DNAJC15: variants seen among roughly 807,000 people sequenced by gnomAD.
The protein encoded by DNAJC15 is DnaJ heat shock protein family (Hsp40) member C15.
In DNAJC15, 27 loss-of-function variants were observed where a neutral mutation model predicts 22.4. The observed-to-expected ratio is 1.20, with a 90% CI of 0.89 to 1.66. The LOEUF (loss-of-function observed/expected upper bound fraction) is 1.66. Ranked by LOEUF, DNAJC15 falls within the 40% of genes most tolerant of loss-of-function variation. DNAJC15 has a pLI of 0.00. For synonymous variants in DNAJC15, 79 were observed against 63.2 expected, an observed-to-expected ratio of 1.25 and a Z score of -1.19; for missense variants, 208 against 187.1, an observed-to-expected ratio of 1.11 and a Z score of -0.65.
intron 1 of DNAJC15, among the ~76,000 whole-genome samples, chr13:43,044,348 A>G (rs1383235366): frequency 6.6e-6 from 1 of 152,146 alleles, no homozygotes; most frequent in African/African-American, 2.4e-5. Flanking sequence ...AGACCTCTCC[A>G]TTTACCCTCT....
At chr13:43,058,851 C>T (rs1299135863) in intron 1 of DNAJC15, among the ~76,000 whole-genome samples, 2 of 152,178 alleles carry the variant, frequency 1.3e-5, no homozygotes, top group Non-Finnish European at 2.9e-5. Context: ...GCTCAGCTCT[C>T]TTCAGCTCTA....
Position 43,112,195 on chromosome 13 carries a change from A to T in DNAJC15, c.*4947A>T, listed in dbSNP as rs1237883453. On this transcript the variant is annotated 3_prime_UTR_variant, in exon 6 of 6. Coordinates refer to ENST00000379221, the MANE Select transcript of DNAJC15 (RefSeq NM_013238.3). ...TATAAAAAGCTCTTTCTTTTGTATT[A>T]AAAACCCTGCTCAATTGAAATGCAA... is the stretch of plus-strand genomic sequence containing the variant. The T allele has an allele frequency of 6.6e-6, 1 of 152,216 alleles. No homozygotes were observed. Among genetic ancestry groups the T allele is most frequent in the East Asian group, 1.9e-4 (1 of 5,204 alleles). The allele number at this position is 152,216 out of a possible 1,614,324, so 9.4% of individuals were successfully genotyped here. A position where few individuals can be genotyped will look rare whatever the true frequency, so the allele number is the denominator to read the frequency against.
At chr13:43,034,242 C>A (rs975865139) in intron 1 of DNAJC15, among the ~76,000 whole-genome samples, 1 of 150,036 alleles carries the variant, frequency 6.7e-6, no homozygotes, top group Non-Finnish European at 1.5e-5. Flanking sequence ...TTATGCTCTC[C>A]ACTCCTTAAA....
intron 4 of DNAJC15, among the ~76,000 whole-genome samples, chr13:43,081,677 T>TC (rs1454263799): frequency 6.6e-6 from 1 of 151,996 alleles, no homozygotes; most frequent in Non-Finnish European, 1.5e-5. Flanking sequence ...GACTTTGTGA[T>TC]CCGCCTGCCT....
intron 2 of DNAJC15, among the ~76,000 whole-genome samples, chr13:43,066,582 G>A (rs1702071909): frequency 6.6e-6 from 1 of 152,172 alleles, no homozygotes; most frequent in South Asian, 2.1e-4. Flanking sequence ...CCAAGGATTA[G>A]GACATGGACA....
In DNAJC15 at chr13:43,078,630, A is replaced by G. The variant is rs762482420; in HGVS notation, c.253A>G (p.Lys85Glu). 3.1e-6 allele frequency: 5 copies of G among 1,613,496 alleles called. No homozygotes were observed. Among genetic ancestry groups the G allele is most frequent in the East Asian group, 4.5e-5 (2 of 44,822 alleles). The change falls in exon 4 of 6, where the codon AAA becomes GAA. Residue 85 changes from lysine (K) to glutamate (E), a missense_variant. Transcript: ENST00000379221. ...ISTPSFSSYYKGGFEQKMSRR... is the reference protein window; with the variant it reads ...ISTPSFSSYYEGGFEQKMSRR... ...TATACAGAGCTTTTCATCCTACTAT[A>G]AAGGAGGATTTGAACAGAAAATGAG...
At chr13:43,089,990 A>T (rs757341977) in intron 5 of DNAJC15, among the ~76,000 whole-genome samples, 1 of 152,246 alleles carries the variant, frequency 6.6e-6, no homozygotes, top group Non-Finnish European at 1.5e-5. Context: ...ATCCATATAT[A>T]TGCATATGGG....
rs2040647001 is a variant in DNAJC15 at position 43,078,637 on chromosome 13, G to T, written c.260G>T (p.Gly87Val). 6.2e-7 allele frequency: 1 copy of T among 1,613,448 alleles called. No individual in the cohort carries two copies. The highest frequency in any genetic ancestry group is 2.2e-5 in the East Asian group (1 of 44,826). The change falls in exon 4 of 6, where the codon GGA becomes GTA. Residue 87 changes from glycine to valine, a missense_variant. By Grantham distance (109) the Gly-to-Val change is moderately radical (BLOSUM62 -3). Transcript: ENST00000379221. Reference protein sequence around the residue: ...TPSFSSYYKGGFEQKMSRREA... With the variant: ...TPSFSSYYKGVFEQKMSRREA... ...AGCTTTTCATCCTACTATAAAGGAGGATTTGAACAGAAAATGAGTAGGCGA... is the reference window on the plus strand; with the variant it reads ...AGCTTTTCATCCTACTATAAAGGAGTATTTGAACAGAAAATGAGTAGGCGA...
intron 4 of DNAJC15, 48 bp from the exon 5 acceptor site, chr13:43,085,720 T>C (rs761278008): frequency 8.0e-6 from 12 of 1,508,668 alleles, no homozygotes; most frequent in Middle Eastern, 1.8e-4. Flanking sequence ...TAATTTATAA[T>C]CTGCATTTGA....
intron 3 of DNAJC15, among the ~76,000 whole-genome samples, chr13:43,075,020 G>A (rs1395001546): frequency 6.6e-6 from 1 of 152,196 alleles, no homozygotes; most frequent in African/African-American, 2.4e-5. Context: ...TTTAGTATGA[G>A]TGGTCCTGGA....
chr13:43,030,565 C>G (rs1156540741), intron 1 of DNAJC15, among the ~76,000 whole-genome samples: 1 of 152,200 alleles, frequency 6.6e-6, no homozygotes, highest in Non-Finnish European at 1.5e-5. Flanking sequence ...TAAGTGCTAT[C>G]ATATTTTTGT....
At chr13:43,030,992 G>A (rs768096084) in intron 1 of DNAJC15, among the ~76,000 whole-genome samples, 4 of 152,190 alleles carry the variant, frequency 2.6e-5, no homozygotes, top group Admixed American at 1.3e-4. Flanking sequence ...TTGAGAAAAG[G>A]GAAGAATGTG....
intron 1 of DNAJC15, among the ~76,000 whole-genome samples, chr13:43,060,393 T>G (rs771573285): frequency 5.3e-5 from 8 of 151,970 alleles, no homozygotes; most frequent in Non-Finnish European, 1.2e-4. Flanking sequence ...AGACACAAGG[T>G]CCGAATAAAA....
Position 43,096,852 on chromosome 13 carries a change from CT to C in DNAJC15, c.383-10324del, listed in dbSNP as rs905456243. On this transcript the variant is annotated intron_variant, in intron 5 of 5. Transcript: ENST00000379221. ...GCATTGCAGCTTCAGCTCTTACCTT[CT>C]TAGATCCTTGAGTCCACCAAGTGAA... 7.0e-4 allele frequency among the ~76,000 whole-genome samples: 106 copies of C among 152,298 alleles called. 1 individual carries two copies. Among genetic ancestry groups the C allele is most frequent in the African/African-American group, 2.5e-3 (102 of 41,562 alleles).
chr13:43,051,241 G>A (rs1454781217), intron 1 of DNAJC15, among the ~76,000 whole-genome samples: 1 of 152,120 alleles, frequency 6.6e-6, no homozygotes. Context: ...GCCTCCCAAG[G>A]TGCTGGGATT....
intron 5 of DNAJC15, among the ~76,000 whole-genome samples, chr13:43,095,078 C>T (rs1260804928): frequency 1.3e-5 from 2 of 152,102 alleles, no homozygotes; most frequent in Non-Finnish European, 2.9e-5. Flanking sequence ...ATCTAACACA[C>T]TACTCCATCA....
intron 5 of DNAJC15, among the ~76,000 whole-genome samples, chr13:43,097,047 A>G (rs780875741): frequency 5.9e-5 from 9 of 152,216 alleles, no homozygotes; most frequent in Non-Finnish European, 1.0e-4. Flanking sequence ...TTCGCCACTA[A>G]GTTTTGGGGT....
chr13:43,104,017 A>G (rs2040783793), intron 5 of DNAJC15, among the ~76,000 whole-genome samples: 1 of 152,198 alleles, frequency 6.6e-6, no homozygotes, highest in Non-Finnish European at 1.5e-5. Flanking sequence ...ATAACAATAT[A>G]TAACCTGCTG....
chr13:43,030,916 T>C (rs1231356441), intron 1 of DNAJC15, among the ~76,000 whole-genome samples: 2 of 152,248 alleles, frequency 1.3e-5, no homozygotes, highest in African/African-American at 4.8e-5. Context: ...TTCGTAGGAA[T>C]GAGCCATTGT....
Sources: gnomAD v4.1 joint callset for allele counts (sites outside exome capture counted in the v4.1 genomes callset) on GRCh38, gnomAD v4.1.1 for gene constraint, MANE v1.5 for transcripts, NCBI Gene and HGNC (gene_info 2026-07-23, HGNC 2026-07-21) for gene names.